The following AKT3 variants were observed in gnomAD, a reference collection of about 807,000 sequenced individuals.
AKT3 encodes RAC-gamma serine/threonine-protein kinase.
AKT3 carries 15 observed loss-of-function variants against 65.3 expected under a neutral mutation model. The ratio of observed to expected loss-of-function variants is 0.23; its 90% CI spans 0.15 to 0.35. AKT3 has a LOEUF of 0.35. Ranked by LOEUF, AKT3 falls within the 10% of genes least tolerant of loss-of-function variation. AKT3 has a pLI of 1.00. For missense variants in AKT3, 243 were observed against 576.5 expected, an observed-to-expected ratio of 0.42 and a Z score of 5.92; for synonymous variants, 206 against 183.8, an observed-to-expected ratio of 1.12 and a Z score of -0.98.
intron 2 of AKT3, among the ~76,000 whole-genome samples, chr1:243,754,697 G>C (rs1689016274): frequency 6.6e-6 from 1 of 152,126 alleles, no homozygotes; most frequent in South Asian, 2.1e-4. Context: ...ATGGTCCTTT[G>C]AGAATCTAAC....
At chr1:243,749,349 T>C (rs1208018723) in intron 2 of AKT3, among the ~76,000 whole-genome samples, 1 of 152,128 alleles carries the variant, frequency 6.6e-6, no homozygotes, top group Non-Finnish European at 1.5e-5. Flanking sequence ...GATTGTTTTC[T>C]AAAGGAATCA....
chr1:243,837,445 T>C (rs1253472075), intron 2 of AKT3, among the ~76,000 whole-genome samples: 1 of 152,184 alleles, frequency 6.6e-6, no homozygotes. Context: ...CAACCTATTT[T>C]ATGAATCCAG....
At chr1:243,760,724 T>A (rs969058011) in intron 2 of AKT3, among the ~76,000 whole-genome samples, 4 of 152,156 alleles carry the variant, frequency 2.6e-5, no homozygotes, top group Admixed American at 2.0e-4. Context: ...TTTTCACATT[T>A]TTGTGCTTCC....
At chr1:243,514,001 G>A (rs1399390834) in intron 12 of AKT3, among the ~76,000 whole-genome samples, 3 of 152,148 alleles carry the variant, frequency 2.0e-5, no homozygotes, top group Non-Finnish European at 4.4e-5. Context: ...ACAGAGGCTG[G>A]AACAATTTTG....
chr1:243,785,451 A>T (rs1210278698), intron 2 of AKT3, among the ~76,000 whole-genome samples: 1 of 142,644 alleles, frequency 7.0e-6, no homozygotes, highest in Non-Finnish European at 1.5e-5. Context: ...ACAATAGAGA[A>T]TCAACGTTTT....
chr1:243,747,926 T>C (rs375677631), intron 2 of AKT3, among the ~76,000 whole-genome samples: 2 of 152,204 alleles, frequency 1.3e-5, no homozygotes, highest in African/African-American at 2.4e-5. Flanking sequence ...GAAATATACC[T>C]AGGCATAGCA....
intron 2 of AKT3, among the ~76,000 whole-genome samples, chr1:243,729,198 A>T (rs1687395100): frequency 6.6e-6 from 1 of 152,200 alleles, no homozygotes; most frequent in South Asian, 2.1e-4. Context: ...ATAAAATTTT[A>T]TTAAAAGAGA....
chr1:243,491,717 C>T (rs1159344801), intron 13 of AKT3, among the ~76,000 whole-genome samples: 1 of 152,138 alleles, frequency 6.6e-6, no homozygotes, highest in African/African-American at 2.4e-5. Flanking sequence ...GCTGTAGGTT[C>T]GAGCAGGTAT....
At chr1:243,816,235 A>G (rs533820349) in intron 2 of AKT3, among the ~76,000 whole-genome samples, 1 of 152,218 alleles carries the variant, frequency 6.6e-6, no homozygotes, top group Non-Finnish European at 1.5e-5. Context: ...TCTAGGTCAC[A>G]TAGCAGTTTG....
chr1:243,601,169 T>C (rs1283059821), intron 8 of AKT3, among the ~76,000 whole-genome samples: 1 of 152,024 alleles, frequency 6.6e-6, no homozygotes, highest in Non-Finnish European at 1.5e-5. Flanking sequence ...AAAGACAAAC[T>C]ATAAAATGGG....
intron 9 of AKT3, among the ~76,000 whole-genome samples, chr1:243,571,866 T>C (rs1038981921): frequency 1.3e-5 from 2 of 152,232 alleles, no homozygotes; most frequent in African/African-American, 4.8e-5. Context: ...ATCTCTGATC[T>C]AGATGTTTTA....
intron 4 of AKT3, among the ~76,000 whole-genome samples, chr1:243,654,141 T>A (rs1459673581): frequency 6.6e-6 from 1 of 152,154 alleles, no homozygotes; most frequent in Non-Finnish European, 1.5e-5. Flanking sequence ...TCTCACTGTC[T>A]TTTTAGTAAT....
chr1:243,803,687 C>G (rs1322541617), intron 2 of AKT3, among the ~76,000 whole-genome samples: 1 of 115,220 alleles, frequency 8.7e-6, no homozygotes, highest in African/African-American at 3.4e-5. Flanking sequence ...CACACACACA[C>G]ACACATAAGA....
intron 4 of AKT3, among the ~76,000 whole-genome samples, chr1:243,661,327 C>A (rs1682307093): frequency 6.6e-6 from 1 of 152,164 alleles, no homozygotes; most frequent in African/African-American, 2.4e-5. Context: ...GCTACAGTAA[C>A]CAAAACAGCA....
chr1:243,805,964 T>C (rs964732978), intron 2 of AKT3, among the ~76,000 whole-genome samples: 1 of 152,160 alleles, frequency 6.6e-6, no homozygotes, highest in South Asian at 2.1e-4. Flanking sequence ...TTAGGACTAC[T>C]CCCAAATTTT....
At chr1:243,714,972 T>G (rs1254464854) in intron 2 of AKT3, among the ~76,000 whole-genome samples, 1 of 152,150 alleles carries the variant, frequency 6.6e-6, no homozygotes, top group Non-Finnish European at 1.5e-5. Context: ...CAACTAGAAC[T>G]CATATGAATC....
chr1:243,723,143 G>A (rs991563534), intron 2 of AKT3, among the ~76,000 whole-genome samples: 6 of 152,082 alleles, frequency 3.9e-5, no homozygotes, highest in Non-Finnish European at 5.9e-5. Flanking sequence ...ACAATATAAC[G>A]AAAATAATGT....
At chr1:243,683,486 A>C (rs1201918658) in intron 3 of AKT3, among the ~76,000 whole-genome samples, 1 of 152,176 alleles carries the variant, frequency 6.6e-6, no homozygotes. Flanking sequence ...AAAACACAGT[A>C]GGTGCAAATG....
chr1:243,693,242 TGATATATATA>T (rs1230386589), intron 3 of AKT3, among the ~76,000 whole-genome samples: 2,372 of 59,932 alleles, frequency 0.04, 394 homozygotes, highest in East Asian at 0.058. Context: ...AGCTACAATT[TGATATATATA>T]TATATATATA....
Sources: allele counts gnomAD v4.1 joint callset (sites outside exome capture counted in the v4.1 genomes callset), GRCh38; gene constraint gnomAD v4.1.1; transcripts MANE v1.5; gene names NCBI Gene and HGNC (gene_info 2026-07-23, HGNC 2026-07-21).